Variants in MINDY2 observed in about 807,000 individuals in gnomAD.
MINDY2 encodes MINDY lysine 48 deubiquitinase 2.
Under a neutral mutation model 68.2 loss-of-function variants are expected in MINDY2, and 52 were observed. The ratio of observed to expected loss-of-function variants is 0.76; its 90% CI spans 0.61 to 0.96. MINDY2 has a LOEUF of 0.96. MINDY2 is among the 40% of genes least tolerant of loss of function. MINDY2 has a pLI of 0.00. For missense variants in MINDY2, 881 were observed against 773.4 expected (o/e 1.14, Z -1.65); for synonymous variants, 372 against 303.0 (o/e 1.23, Z -2.36).
intron 6 of MINDY2, among the ~76,000 whole-genome samples, chr15:58,841,129 G>A (rs947689270): frequency 5.3e-5 from 8 of 150,786 alleles, no homozygotes; most frequent in Non-Finnish European, 7.4e-5. Context: ...TTATAGGCGC[G>A]CACCACCATG....
intron 2 of MINDY2, among the ~76,000 whole-genome samples, chr15:58,795,544 A>G (rs1902223993): frequency 6.6e-6 from 1 of 152,062 alleles, no homozygotes; most frequent in Admixed American, 6.6e-5. Context: ...AGCTGGGACT[A>G]CAGGCGCCTG....
Position 58,851,825 on chromosome 15 carries a change from T to C in MINDY2, c.1597T>C (p.Trp533Arg), listed in dbSNP as rs1382664446. 2 of 1,611,832 alleles carry C rather than the reference T, an allele frequency of 1.2e-6. No homozygotes were observed. The highest frequency in any genetic ancestry group is 2.7e-5 in the African/African-American group (2 of 74,588). ...QQEQQSQEIN[W>R]EQIPEGISDL... is the part of the protein sequence containing the mutation. The stretch of plus-strand genomic sequence containing the variant: ...AGAACAGCAGAGCCAAGAGATCAAT[T>C]GGGAACAAATCCCGGAAGGAATCAG... The change falls in exon 8 of 9, where the codon TGG becomes CGG. Residue 533 changes from tryptophan to arginine, a missense_variant. Transcript: ENST00000559228.
In MINDY2 at chr15:58,857,104, T is replaced by A. The variant is rs2033084722; in HGVS notation, c.*2494T>A. 6.6e-6 allele frequency: 1 copy of A among 152,224 alleles called. No homozygotes were observed. Among genetic ancestry groups the A allele is most frequent in the South Asian group, 2.1e-4 (1 of 4,836 alleles). 9.4% of individuals were successfully genotyped at this position (152,224 alleles called of 1,614,324 possible). Reference sequence around the variant, plus strand: ...TCTATGTAATATTTCCAAGTCAGACTTTCTTACATTCCTGGAATTTACTTT... The same window carrying A: ...TCTATGTAATATTTCCAAGTCAGACATTCTTACATTCCTGGAATTTACTTT... On this transcript the variant is annotated 3_prime_UTR_variant, in exon 9 of 9. Transcript: ENST00000559228.
rs1297581236 is a variant in MINDY2, at chr15:58,860,540, C to CTCCA, written c.*5931_*5934dup. The CTCCA allele has an allele frequency of 6.7e-6, 1 of 149,634 alleles. No individual in the cohort carries two copies. The highest frequency in any genetic ancestry group is 1.5e-5 in the Non-Finnish European group (1 of 67,754). The allele number at this position is 149,634 out of a possible 1,614,324, so 9.3% of individuals were successfully genotyped here. A position where few individuals can be genotyped will look rare whatever the true frequency, so the allele number is the denominator to read the frequency against. ...AGTGAGCCAAGATTGCCCCACTGCA[C>CTCCA]TCCAGCCTGGGCGACTGAGCGAGAC... On this transcript the variant is annotated 3_prime_UTR_variant, in exon 9 of 9. Transcript: ENST00000559228.
At chr15:58,796,731 C>T (rs987271694) in intron 2 of MINDY2, among the ~76,000 whole-genome samples, 12 of 152,180 alleles carry the variant, frequency 7.9e-5, no homozygotes, top group African/African-American at 2.4e-4. Context: ...CCATGTTGGC[C>T]GGGCTGGTCT....
At chr15:58,810,577 C>A (rs1406951115) in intron 4 of MINDY2, among the ~76,000 whole-genome samples, 189 bp downstream of exon 4, 4 of 152,126 alleles carry the variant, frequency 2.6e-5, no homozygotes, top group African/African-American at 4.8e-5. Context: ...GACCCCAACT[C>A]TAAGGAGCTA....
chr15:58,835,036 T>A (rs1351466265), intron 6 of MINDY2, among the ~76,000 whole-genome samples: 1 of 152,220 alleles, frequency 6.6e-6, no homozygotes, highest in African/African-American at 2.4e-5. Context: ...TAACCTGACC[T>A]CTCAAGTCTA....
intron 2 of MINDY2, among the ~76,000 whole-genome samples, chr15:58,798,058 C>A (rs1902399432): frequency 1.3e-5 from 2 of 152,164 alleles, no homozygotes; most frequent in African/African-American, 4.8e-5. Context: ...TACACCTCTA[C>A]AATCCCAAAG....
At chr15:58,851,750 G>A (rs1474591146) in intron 7 of MINDY2, 21 bp from the exon 8 acceptor site, 1 of 1,519,214 alleles carries the variant, frequency 6.6e-7, no homozygotes, top group South Asian at 1.3e-5. Flanking sequence ...AGCTAATGAT[G>A]GTTATAATTT....
At chr15:58,854,389 T>TC (rs2032978237) in intron 8 of MINDY2, 93 bp from the exon 9 acceptor site, 2 of 1,403,490 alleles carry the variant, frequency 1.4e-6, no homozygotes, top group Admixed American at 4.7e-5. Flanking sequence ...CATCAGTGAT[T>TC]CCTTCCACTG....
At chr15:58,787,862 A>G (rs1469534886) in intron 1 of MINDY2, 44 bp from the exon 2 acceptor site, 1 of 1,342,340 alleles carries the variant, frequency 7.4e-7, no homozygotes, top group Non-Finnish European at 1.0e-6. Context: ...TACTTTAGTC[A>G]CCTAAAACAT....
chr15:58,854,364 G>C (rs1463189181), intron 8 of MINDY2, 118 bp from the exon 9 acceptor site: 1 of 1,128,680 alleles, frequency 8.9e-7, no homozygotes, highest in Non-Finnish European at 1.2e-6. Context: ...TATGCCAATA[G>C]CTAGCTTCTT....
intron 1 of MINDY2, among the ~76,000 whole-genome samples, chr15:58,780,714 G>A (rs1901079160): frequency 6.6e-6 from 1 of 152,148 alleles, no homozygotes; most frequent in Non-Finnish European, 1.5e-5. Context: ...CTCCTGAAGT[G>A]TCTGACACTT....
At chr15:58,778,810 C>CTTTTTTTTTTT (rs1182523003) in intron 1 of MINDY2, among the ~76,000 whole-genome samples, 6 of 114,372 alleles carry the variant, frequency 5.2e-5, no homozygotes, top group Non-Finnish European at 6.9e-5. Context: ...TTCTTTTTTT[C>CTTTTTTTTTTT]TTTTTTTTTT....
rs1351626297 is a variant in MINDY2, at chr15:58,855,119, C to A, written c.*509C>A. On this transcript the variant is annotated 3_prime_UTR_variant, in exon 9 of 9. Transcript: ENST00000559228. ...AAAACAAAAGAATAGGAATAAATAA[C>A]CCTTAATTGTATATTGGACTAGTTC... The A allele has an allele frequency of 6.5e-6, 1 of 153,078 alleles. No homozygotes were observed. Among genetic ancestry groups the A allele is most frequent in the Admixed American group, 6.5e-5 (1 of 15,344 alleles). The allele number at this position is 153,078 out of a possible 1,614,324, so 9.5% of individuals were successfully genotyped here.
chr15:58,787,799 G>T, intron 1 of MINDY2, 107 bp from the exon 2 acceptor site: 29 of 529,692 alleles, frequency 5.5e-5, no homozygotes, highest in Non-Finnish European at 7.6e-5. Context: ...TAATGTATAA[G>T]TATAGTAGAT....
intron 6 of MINDY2, among the ~76,000 whole-genome samples, chr15:58,846,822 T>C (rs1199204021): frequency 6.6e-6 from 1 of 152,036 alleles, no homozygotes; most frequent in African/African-American, 2.4e-5. Flanking sequence ...TAATACAAAC[T>C]AGGTACAAAG....
chr15:58,847,480 T>A lies in MINDY2; in HGVS notation c.1542+10T>A. ...AGATCAGATAGATCAGGTAAATTTGTATTGTCGTCTTTATAGTGGTTAAAA... is the reference window on the plus strand; with the variant it reads ...AGATCAGATAGATCAGGTAAATTTGAATTGTCGTCTTTATAGTGGTTAAAA... On this transcript the variant is annotated intron_variant, in intron 7 of 8. Coordinates refer to ENST00000559228, the MANE Select transcript of MINDY2 (RefSeq NM_001040450.3). The A allele has an allele frequency of 2.6e-6, 4 of 1,529,358 alleles. No homozygotes were observed. The highest frequency in any genetic ancestry group is 3.6e-6 in the Non-Finnish European group (4 of 1,122,422). The allele number at this position is 1,529,358 out of a possible 1,614,324, so 94.7% of individuals were successfully genotyped here.
Position 58,851,955 on chromosome 15 carries a change from C to T in MINDY2, c.1727C>T (p.Thr576Ile), listed in dbSNP as rs1010459387. ...QAAAAAAAAS[T>I]QAQQGQPAQA... ...GCAGCTGCTGCTGCTGCTGCTTCTA[C>T]ACAGGCTCAGGTAAAAACTAGTGTT... is the stretch of plus-strand genomic sequence containing the variant. Residue 576 changes from threonine to isoleucine, a missense_variant, in exon 8 of 9, where the codon ACA (threonine) becomes ATA (isoleucine). Coordinates refer to ENST00000559228, the MANE Select transcript of MINDY2 (RefSeq NM_001040450.3). 2 of 1,583,242 alleles carry T rather than the reference C, an allele frequency of 1.3e-6. No homozygotes were observed. Among genetic ancestry groups the T allele is most frequent in the Admixed American group, 2.0e-5 (1 of 50,450 alleles).
Sources: allele counts gnomAD v4.1 joint callset (sites outside exome capture counted in the v4.1 genomes callset), GRCh38; gene constraint gnomAD v4.1.1; transcripts MANE v1.5; gene names NCBI Gene and HGNC (gene_info 2026-07-23, HGNC 2026-07-21).